The following CAMK1D variants were observed in gnomAD, a reference collection of about 807,000 sequenced individuals.
CAMK1D encodes the protein calcium/calmodulin-dependent protein kinase type 1D.
A neutral mutation model predicts 47.7 loss-of-function variants in CAMK1D; 9 were observed. The observed-to-expected ratio is 0.19, with a 90% CI of 0.11 to 0.33. CAMK1D has a LOEUF of 0.33. Ranked by LOEUF, CAMK1D falls within the 10% of genes least tolerant of loss-of-function variation. CAMK1D has a pLI of 1.00. For synonymous variants in CAMK1D, 184 were observed against 184.9 expected, an observed-to-expected ratio of 0.99 and a Z score of 0.04; for missense variants, 291 against 488.7, an observed-to-expected ratio of 0.60 and a Z score of 3.81.
intron 1 of CAMK1D, among the ~76,000 whole-genome samples, chr10:12,361,917 CTGA>C (rs1837676170): frequency 6.6e-6 from 1 of 152,050 alleles, no homozygotes; most frequent in African/African-American, 2.4e-5. Context: ...ATATAGCTGG[CTGA>C]TATTACCTAA....
At chr10:12,410,703 G>GTTAGCAGGAATGACACACGT (rs962191581) in intron 1 of CAMK1D, among the ~76,000 whole-genome samples, 10 of 152,120 alleles carry the variant, frequency 6.6e-5, no homozygotes. Flanking sequence ...TTAGTTCTTT[G>GTTAGCAGGAATGACACACGT]TTAGCAGGAA....
intron 1 of CAMK1D, among the ~76,000 whole-genome samples, chr10:12,374,036 G>A (rs1056530021): frequency 6.7e-6 from 1 of 150,050 alleles, no homozygotes; most frequent in African/African-American, 2.5e-5. Flanking sequence ...GAGGTGGGCA[G>A]ATCACTTGAG....
At chr10:12,717,147 T>C (rs1298267129) in intron 3 of CAMK1D, among the ~76,000 whole-genome samples, 1 of 152,202 alleles carries the variant, frequency 6.6e-6, no homozygotes, top group African/African-American at 2.4e-5. Flanking sequence ...AGTCTTTGTA[T>C]TGGTTTTGTA....
intron 3 of CAMK1D, among the ~76,000 whole-genome samples, chr10:12,738,705 A>G (rs58128982): frequency 1.3e-5 from 2 of 151,872 alleles, no homozygotes; most frequent in African/African-American, 4.8e-5. Context: ...GGTGGCTCGC[A>G]CCTGTAATCC....
intron 1 of CAMK1D, among the ~76,000 whole-genome samples, chr10:12,359,846 C>T (rs1371269347): frequency 6.6e-6 from 1 of 152,176 alleles, no homozygotes; most frequent in Non-Finnish European, 1.5e-5. Context: ...TGGCAGCATG[C>T]ATATGTATAT....
At chr10:12,676,550 A>G (rs1840815966) in intron 3 of CAMK1D, among the ~76,000 whole-genome samples, 1 of 152,192 alleles carries the variant, frequency 6.6e-6, no homozygotes, top group Admixed American at 6.5e-5. Flanking sequence ...GAATGTAATA[A>G]TGGTTAGCAT....
At chr10:12,682,268 G>A (rs1214291639) in intron 3 of CAMK1D, among the ~76,000 whole-genome samples, 3 of 152,108 alleles carry the variant, frequency 2.0e-5, no homozygotes, top group African/African-American at 7.2e-5. Context: ...GACATTCTGT[G>A]ATTGTGTCTT....
At chr10:12,466,893 G>C (rs1292452186) in intron 1 of CAMK1D, among the ~76,000 whole-genome samples, 1 of 152,104 alleles carries the variant, frequency 6.6e-6, no homozygotes, top group African/African-American at 2.4e-5. Context: ...GGATGTTTCA[G>C]GGATTGTCGT....
chr10:12,389,046 G>A (rs749800466), intron 1 of CAMK1D, among the ~76,000 whole-genome samples: 35 of 152,212 alleles, frequency 2.3e-4, no homozygotes, highest in Non-Finnish European at 3.7e-4. Flanking sequence ...CTTCCTGTCC[G>A]ATCTGTCCAA....
intron 3 of CAMK1D, among the ~76,000 whole-genome samples, chr10:12,714,773 C>CACACACAT (rs916403382): frequency 2.7e-5 from 4 of 146,740 alleles, no homozygotes; most frequent in African/African-American, 1.1e-4. Context: ...CACACACACA[C>CACACACAT]ACACACACAC....
At chr10:12,453,483 C>T (rs962706592) in intron 1 of CAMK1D, among the ~76,000 whole-genome samples, 3 of 152,216 alleles carry the variant, frequency 2.0e-5, no homozygotes, top group Middle Eastern at 3.4e-3. Flanking sequence ...CCACTGTGCC[C>T]GGCCAGAATT....
At chr10:12,725,123 G>C (rs1834564685) in intron 3 of CAMK1D, 1 of 153,844 alleles carries the variant, frequency 6.5e-6, no homozygotes, top group South Asian at 2.1e-4. Flanking sequence ...CAGATCCGCA[G>C]TCCTCTGTGG....
intron 3 of CAMK1D, among the ~76,000 whole-genome samples, chr10:12,740,165 A>AG (rs1835367763): frequency 6.6e-6 from 1 of 152,162 alleles, no homozygotes; most frequent in Non-Finnish European, 1.5e-5. Flanking sequence ...CCGTTTATGC[A>AG]GCCCTCCCTG....
intron 2 of CAMK1D, among the ~76,000 whole-genome samples, chr10:12,597,877 A>G (rs1426260014): frequency 2.0e-5 from 3 of 152,218 alleles, no homozygotes; most frequent in Non-Finnish European, 4.4e-5. Flanking sequence ...GAACACTCAG[A>G]GACAGTTACC....
chr10:12,804,261 A>G (rs544705616), intron 6 of CAMK1D, among the ~76,000 whole-genome samples: 25 of 152,366 alleles, frequency 1.6e-4, no homozygotes, highest in Admixed American at 5.2e-4. Flanking sequence ...ACAAGCATAA[A>G]TATTTCACAC....
intron 8 of CAMK1D, among the ~76,000 whole-genome samples, chr10:12,822,804 CTT>C (rs139556463): frequency 0.019 from 2,892 of 152,334 alleles, 97 homozygotes; most frequent in African/African-American, 0.065. Flanking sequence ...CTCTCATCCT[CTT>C]TGTCTTGTTA....
intron 3 of CAMK1D, among the ~76,000 whole-genome samples, chr10:12,688,249 G>A (rs1187424915): frequency 2.0e-5 from 3 of 152,154 alleles, no homozygotes; most frequent in Non-Finnish European, 2.9e-5. Flanking sequence ...GGGTGAACAC[G>A]TGGCTTATGG....
intron 3 of CAMK1D, among the ~76,000 whole-genome samples, chr10:12,714,761 TACACACACACACACAC>T (rs55827922): frequency 1.6e-4 from 21 of 130,514 alleles, no homozygotes; most frequent in African/African-American, 4.3e-4. Flanking sequence ...TACATTAAAT[TACACACACACACACAC>T]ACACACACAC....
At chr10:12,622,207 C>T (rs572916184) in intron 2 of CAMK1D, among the ~76,000 whole-genome samples, 18 of 152,274 alleles carry the variant, frequency 1.2e-4, no homozygotes, top group Admixed American at 5.2e-4. Context: ...CCCTGCTTGG[C>T]CTTTGCTGCT....
Sources: allele counts gnomAD v4.1 joint callset (sites outside exome capture counted in the v4.1 genomes callset), GRCh38; gene constraint gnomAD v4.1.1; transcripts MANE v1.5; gene names NCBI Gene and HGNC (gene_info 2026-07-23, HGNC 2026-07-21).